The following TRHDE variants were observed in gnomAD, a reference collection of about 807,000 sequenced individuals.
TRHDE encodes the protein thyrotropin releasing hormone degrading enzyme, also known as thyrotropin-releasing hormone-degrading ectoenzyme.
Under a neutral mutation model 125.7 loss-of-function variants are expected in TRHDE, and 72 were observed. That is an observed-to-expected ratio of 0.57 (90% CI 0.47 to 0.70). The LOEUF is 0.70. Among genes scored for constraint, TRHDE ranks in the 30% least tolerant of loss-of-function variants. The probability of loss-of-function intolerance (pLI) is 0.00; values close to 1 mark genes in which losing one functional copy is unlikely to be tolerated. For synonymous variants in TRHDE, 509 were observed against 509.1 expected, an observed-to-expected ratio of 1.00 and a Z score of 0.00; for missense variants, 1,110 against 1,327.1, an observed-to-expected ratio of 0.84 and a Z score of 2.54.
Position 72,562,246 on chromosome 12 carries a change from C to T in TRHDE, c.1854+16C>T. On this transcript the variant is annotated intron_variant, in intron 8 of 18. Coordinates refer to ENST00000261180, the MANE Select transcript of TRHDE (RefSeq NM_013381.3). ...ATTATCGGAGGTAAAGTATAGGAAG[C>T]TTAAATATCAAAACCTCTACTTGAA... 2 of 1,444,172 alleles carry T rather than the reference C, an allele frequency of 1.4e-6. No individual in the cohort carries two copies. The highest frequency in any genetic ancestry group is 1.8e-5 in the Admixed American group (1 of 56,822). The allele number at this position is 1,444,172 out of a possible 1,614,324, so 89.5% of individuals were successfully genotyped here.
chr12:72,161,458 A>T (rs911023000), intron 2 of TRHDE, among the ~76,000 whole-genome samples: 3 of 151,694 alleles, frequency 2.0e-5, no homozygotes, highest in Non-Finnish European at 4.4e-5. Context: ...AAATTGCTGC[A>T]TTGATCCAAA....
At chr12:72,623,183 A>G (rs1026617970) in intron 15 of TRHDE, among the ~76,000 whole-genome samples, 25 of 152,096 alleles carry the variant, frequency 1.6e-4, no homozygotes, top group Non-Finnish European at 3.1e-4. Flanking sequence ...ATTAAAATCC[A>G]TATCATATAT....
At chr12:72,241,652 G>GCAAA (rs1240306321) in intron 2 of TRHDE, among the ~76,000 whole-genome samples, 1 of 152,088 alleles carries the variant, frequency 6.6e-6, no homozygotes, top group African/African-American at 2.4e-5. Context: ...TTTTCCTAGG[G>GCAAA]CAAACACTCA....
intron 6 of TRHDE, among the ~76,000 whole-genome samples, chr12:72,522,353 GT>G (rs1868265385): frequency 6.6e-6 from 1 of 152,114 alleles, no homozygotes; most frequent in Non-Finnish European, 1.5e-5. Flanking sequence ...TTAAATTAAA[GT>G]TTTTAGAAAC....
chr12:72,192,863 T>C (rs901837137), intron 2 of TRHDE, among the ~76,000 whole-genome samples: 1 of 152,102 alleles, frequency 6.6e-6, no homozygotes, highest in Non-Finnish European at 1.5e-5. Flanking sequence ...GTAATTTTTA[T>C]TGGAGTAAGA....
At chr12:72,653,505 T>C (rs1209072526) in intron 17 of TRHDE, among the ~76,000 whole-genome samples, 1 of 152,116 alleles carries the variant, frequency 6.6e-6, no homozygotes, top group African/African-American at 2.4e-5. Context: ...ATAAATACAG[T>C]GGTATTATAA....
At chr12:72,204,625 T>A (rs1877627619) in intron 2 of TRHDE, among the ~76,000 whole-genome samples, 2 of 152,198 alleles carry the variant, frequency 1.3e-5, no homozygotes, top group Non-Finnish European at 2.9e-5. Flanking sequence ...ATTCATTACT[T>A]TTCTTGCAAT....
In TRHDE at chr12:72,093,746, G is replaced by A. The variant is rs553057757; in HGVS notation, n.174+6307G>A. ...ATTGTTTGCCTAATTTTGTTTAGTT[G>A]TCTATCTGTCTTCTCTTGCGTCTTG... On this transcript the variant is annotated intron_variant and non_coding_transcript_variant, in intron 1 of 4. Coordinates refer to the TRHDE transcript ENST00000548156. Among the ~76,000 whole-genome samples, 5 of 152,192 alleles carry A rather than the reference G, an allele frequency of 3.3e-5. No individual in the cohort carries two copies. In the South Asian group the frequency reaches 8.3e-4, roughly 25 times the overall value.
intron 2 of TRHDE, among the ~76,000 whole-genome samples, chr12:72,240,651 G>A (rs1471203618): frequency 6.6e-6 from 1 of 151,402 alleles, no homozygotes; most frequent in Non-Finnish European, 1.5e-5. Context: ...CTCACTGCAA[G>A]CTCCGCCTCC....
intron 2 of TRHDE, among the ~76,000 whole-genome samples, chr12:72,213,524 G>T (rs955239380): frequency 3.3e-5 from 5 of 152,050 alleles, no homozygotes; most frequent in African/African-American, 1.2e-4. Flanking sequence ...ACAGTGACTT[G>T]CCCAAGGTGA....
At chr12:72,535,114 A>G (rs1033603532) in intron 6 of TRHDE, among the ~76,000 whole-genome samples, 1 of 152,128 alleles carries the variant, frequency 6.6e-6, no homozygotes, top group Non-Finnish European at 1.5e-5. Context: ...ACCTTATTAT[A>G]TGCTAAACAC....
At chr12:72,257,563 A>C (rs1878847369) in intron 2 of TRHDE, 1 of 152,172 alleles carries the variant, frequency 6.6e-6, no homozygotes, top group Non-Finnish European at 1.5e-5. Context: ...GAGCTAAAAT[A>C]TCTCTCCCAA....
At chr12:72,145,840 A>T (rs1248209507) in intron 2 of TRHDE, among the ~76,000 whole-genome samples, 1 of 152,202 alleles carries the variant, frequency 6.6e-6, no homozygotes, top group Non-Finnish European at 1.5e-5. Context: ...CAGTGCATGT[A>T]GTGCCCAAAT....
intron 2 of TRHDE, among the ~76,000 whole-genome samples, chr12:72,208,232 C>A (rs750818530): frequency 6.6e-6 from 1 of 152,000 alleles, no homozygotes; most frequent in African/African-American, 2.4e-5. Context: ...ATCCCTCATA[C>A]CCTTTACACA....
intron 2 of TRHDE, among the ~76,000 whole-genome samples, chr12:72,184,369 C>T (rs1479181917): frequency 2.6e-5 from 4 of 152,080 alleles, no homozygotes; most frequent in African/African-American, 9.7e-5. Context: ...GAAGTTACTA[C>T]TCTGTATCTG....
At chr12:72,475,041 A>C (rs1385783619) in intron 5 of TRHDE, among the ~76,000 whole-genome samples, 1 of 152,184 alleles carries the variant, frequency 6.6e-6, no homozygotes, top group Admixed American at 6.5e-5. Context: ...GTATAACATA[A>C]TTTTAATATC....
chr12:72,520,505 C>G (rs1879140478), intron 6 of TRHDE, among the ~76,000 whole-genome samples: 3 of 149,846 alleles, frequency 2.0e-5, no homozygotes, highest in Admixed American at 7.6e-5. Context: ...TCTGCTTGCG[C>G]ACGGTGCGCG....
intron 3 of TRHDE, among the ~76,000 whole-genome samples, chr12:72,411,217 A>G (rs1438265089): frequency 6.6e-6 from 1 of 151,598 alleles, no homozygotes; most frequent in Non-Finnish European, 1.5e-5. Flanking sequence ...AAAAAAAAAA[A>G]AAAACCATAC....
chr12:72,580,135 G>GTATT (rs1283806271), intron 12 of TRHDE, among the ~76,000 whole-genome samples: 2 of 152,114 alleles, frequency 1.3e-5, no homozygotes, highest in East Asian at 3.9e-4. Context: ...AATTTGTACA[G>GTATT]TATTAACATC....
Sources: allele counts gnomAD v4.1 joint callset (sites outside exome capture counted in the v4.1 genomes callset), GRCh38; gene constraint gnomAD v4.1.1; transcripts MANE v1.5; gene names NCBI Gene and HGNC (gene_info 2026-07-23, HGNC 2026-07-21).